The following IL18BP variants were observed in gnomAD, a reference collection of about 807,000 sequenced individuals.
IL18BP encodes interleukin-18-binding protein.
Under a neutral mutation model 19.9 loss-of-function variants are expected in IL18BP, and 23 were observed. The observed-to-expected ratio is 1.15, with a 90% CI of 0.83 to 1.64. The LOEUF (loss-of-function observed/expected upper bound fraction) is 1.64. Ranked by LOEUF, IL18BP falls within the 40% of genes most tolerant of loss-of-function variation. The probability of loss-of-function intolerance (pLI) is 0.00; values close to 1 mark genes in which losing one functional copy is unlikely to be tolerated. For synonymous variants in IL18BP, 107 were observed against 101.0 expected (o/e 1.06, Z -0.35); for missense variants, 239 against 240.7 (o/e 0.99, Z 0.05).
downstream of IL18BP, chr11:72,004,687 G>A (rs35681270): frequency 1.6e-3 from 2,645 of 1,613,616 alleles, 5 homozygotes; most frequent in Non-Finnish European, 2.1e-3. Flanking sequence ...ACCCGTTTGC[G>A]CTGCTGCCGG....
chr11:72,004,535 A>T, downstream of IL18BP: 1 of 1,297,898 alleles, frequency 7.7e-7, no homozygotes, highest in South Asian at 1.3e-5. Flanking sequence ...AGGGAAAGAG[A>T]GGGGGAAGTG....
Position 71,999,914 on chromosome 11 carries a change from C to A in IL18BP, c.-58-13C>A, listed in dbSNP as rs181360028. On this transcript the variant is annotated splice_polypyrimidine_tract_variant and intron_variant, in intron 1 of 5. Coordinates refer to ENST00000393703, the MANE Select transcript of IL18BP (RefSeq NM_001039660.2). ...GGAGTGGTTTACCATTCTCCTCCCCCACCTTTCACCAGAGAAGAGGACGTT... is the reference window on the plus strand; with the variant it reads ...GGAGTGGTTTACCATTCTCCTCCCCAACCTTTCACCAGAGAAGAGGACGTT... The A allele has an allele frequency of 2.7e-5, 42 of 1,534,892 alleles. 1 individual carries two copies. The Admixed American group carries it at 3.5e-4, about 13-fold the overall frequency.
chr11:72,004,493 A>G (rs1955536440), downstream of IL18BP: 5 of 1,210,848 alleles, frequency 4.1e-6, no homozygotes, highest in African/African-American at 1.5e-5. Flanking sequence ...CCTTCCCAAC[A>G]GTTCCCATCC....
downstream of IL18BP, chr11:72,007,443 A>G: frequency 1.2e-6 from 2 of 1,612,836 alleles, no homozygotes; most frequent in Non-Finnish European, 1.7e-6. Context: ...TTGCTATGGA[A>G]AGGAAACCTG....
Position 72,001,983 on chromosome 11 carries a change from T to C in IL18BP, c.*122T>C, listed in dbSNP as rs1955277358. 5 of 1,423,794 alleles carry C rather than the reference T, an allele frequency of 3.5e-6. No homozygotes were observed. The highest frequency in any genetic ancestry group is 1.3e-5 in the South Asian group (1 of 76,154). 88.2% of individuals were successfully genotyped at this position (1,423,794 alleles called of 1,614,324 possible). On this transcript the variant is annotated 3_prime_UTR_variant, in exon 6 of 6. Transcript: ENST00000393703. ...GTGGATGCGCAACACACCCCCTCCT[T>C]CTCTGCTTTGGGTCCCTTCTCTCAC...
downstream of IL18BP, chr11:72,003,568 G>A (rs375811666): frequency 1.1e-4 from 185 of 1,613,890 alleles, no homozygotes; most frequent in Non-Finnish European, 1.3e-4. Context: ...ATGGCCAGAT[G>A]AGAACTTGCG....
downstream of IL18BP, chr11:72,003,492 G>A: frequency 6.2e-7 from 1 of 1,610,172 alleles, no homozygotes; most frequent in South Asian, 1.1e-5. Flanking sequence ...TCAGCATCGG[G>A]GACACAGGTG....
At chr11:72,005,568 TGGAGAG>T, downstream of IL18BP, 1 of 567,212 alleles carries the variant, frequency 1.8e-6, no homozygotes, top group Non-Finnish European at 3.1e-6. Flanking sequence ...ACCTTCTCCC[TGGAGAG>T]GGCAGAAGAG....
chr11:72,000,619 T>G, intron 3 of IL18BP, 62 bp downstream of exon 3: 1 of 1,408,454 alleles, frequency 7.1e-7, no homozygotes, highest in Non-Finnish European at 9.9e-7. Context: ...TCGGGTTGAC[T>G]CCTGAGCGCC....
chr11:72,006,692 A>G (rs940917314), downstream of IL18BP, among the ~76,000 whole-genome samples: 1 of 152,102 alleles, frequency 6.6e-6, no homozygotes, highest in South Asian at 2.1e-4. Flanking sequence ...GGCCCTTACC[A>G]TGTTCCAGAA....
At chr11:72,003,879 G>T (rs1425175686), downstream of IL18BP, 4 of 1,613,136 alleles carry the variant, frequency 2.5e-6, no homozygotes, top group Admixed American at 1.7e-5. Context: ...TCCTGCCAGT[G>T]CCTCTACCTT....
At chr11:72,004,528 G>C, downstream of IL18BP, 1 of 1,291,956 alleles carries the variant, frequency 7.7e-7, no homozygotes, top group Non-Finnish European at 1.1e-6. Flanking sequence ...TGGAGAGAGG[G>C]AAAGAGAGGG....
chr11:72,001,048 T>C (rs1955193348), intron 3 of IL18BP, among the ~76,000 whole-genome samples, 153 bp from the exon 4 acceptor site: 1 of 152,246 alleles, frequency 6.6e-6, no homozygotes, highest in Non-Finnish European at 1.5e-5. Context: ...ACTGCACTTC[T>C]GTAACGGACG....
Position 72,001,416 on chromosome 11 carries a change from G to A in IL18BP, c.371G>A (p.Gly124Glu). 1 of 1,614,144 alleles carries A rather than the reference G, an allele frequency of 6.2e-7. No homozygotes were observed. The highest frequency in any genetic ancestry group is 2.2e-5 in the East Asian group (1 of 44,880). ...CCCTTCCGCTCCAGCCGGGAACGTG[G>A]GAGCACAGGTACGCAGCTGTGCAAG... Reference protein sequence around the residue: ...LWEGSTSRERGSTGTQLCKAL... With the variant: ...LWEGSTSRERESTGTQLCKAL... The change falls in exon 5 of 6, where the codon GGG becomes GAG. Residue 124 changes from glycine (G) to glutamate (E), a missense_variant. Transcript: ENST00000393703.
intron 3 of IL18BP, among the ~76,000 whole-genome samples, chr11:72,000,919 C>T (rs961736502): frequency 3.3e-5 from 5 of 152,136 alleles, no homozygotes; most frequent in Admixed American, 6.5e-5. Flanking sequence ...CCCAAGTCAC[C>T]GAGGCTGGGC....
chr11:72,000,284 T>C (rs1955141135), intron 2 of IL18BP, 67 bp from the exon 3 acceptor site: 1 of 1,404,938 alleles, frequency 7.1e-7, no homozygotes, highest in Non-Finnish European at 1.0e-6. Flanking sequence ...TGGGCTGGAG[T>C]TACATCCTTA....
rs763883816 is a variant in IL18BP at position 71,999,973 on chromosome 11, G to T, written c.-12G>T. ...TAAAGAGCCAGGCTCACCAGCTCCT[G>T]ACGCATGCATCATGACCATGAGACA... On this transcript the variant is annotated 5_prime_UTR_variant, in exon 2 of 6. Coordinates refer to ENST00000393703, the MANE Select transcript of IL18BP (RefSeq NM_001039660.2). The T allele has an allele frequency of 2.5e-6, 4 of 1,613,816 alleles. No homozygotes were observed. Among genetic ancestry groups the T allele is most frequent in the South Asian group, 1.1e-5 (1 of 91,050 alleles).
chr11:71,999,921 C>G lies in IL18BP; in HGVS notation c.-58-6C>G. Reference sequence around the variant, plus strand: ...TTTACCATTCTCCTCCCCCACCTTTCACCAGAGAAGAGGACGTTGTCACAG... The same window carrying G: ...TTTACCATTCTCCTCCCCCACCTTTGACCAGAGAAGAGGACGTTGTCACAG... On this transcript the variant is annotated splice_polypyrimidine_tract_variant and splice_region_variant and intron_variant, in intron 1 of 5. Transcript: ENST00000393703. 2 of 1,572,712 alleles carry G rather than the reference C, an allele frequency of 1.3e-6. No homozygotes were observed. The highest frequency in any genetic ancestry group is 3.4e-5 in the Admixed American group (2 of 58,208).
At chr11:72,007,380 G>T (rs749242336), downstream of IL18BP, 1 of 1,613,826 alleles carries the variant, frequency 6.2e-7, no homozygotes, top group South Asian at 1.1e-5. Flanking sequence ...TGGGAGATAG[G>T]TGAGGCTGGT....
Sources: gnomAD v4.1 joint callset for allele counts (sites outside exome capture counted in the v4.1 genomes callset) on GRCh38, gnomAD v4.1.1 for gene constraint, MANE v1.5 for transcripts, NCBI Gene and HGNC (gene_info 2026-07-23, HGNC 2026-07-21) for gene names.